Variants in COG3 observed in about 807,000 individuals in gnomAD.
The protein encoded by COG3 is component of oligomeric golgi complex 3.
In COG3, 32 loss-of-function variants were observed where a neutral mutation model predicts 114.1. The observed-to-expected ratio is 0.28, with a 90% CI of 0.21 to 0.38. COG3 has a LOEUF of 0.38. Ranked by LOEUF, COG3 falls within the 10% of genes least tolerant of loss-of-function variation. COG3 has a pLI of 1.00. For synonymous variants in COG3, 352 were observed against 365.7 expected, an observed-to-expected ratio of 0.96 and a Z score of 0.43; for missense variants, 813 against 973.2, an observed-to-expected ratio of 0.84 and a Z score of 2.19.
In COG3 at chr13:45,502,793, C is replaced by T. The variant is rs577660868; in HGVS notation, c.1489-451C>T. Among the ~76,000 whole-genome samples the T allele has an allele frequency of 1.2e-4, 18 of 152,164 alleles. No homozygotes were observed. In the South Asian group the frequency reaches 1.5e-3, roughly 12 times the overall value. ...CTTACCTGCCTCCCAGTCTTTGCCCCGGAATTCCCAAAGTCCATTGTCTCA... is the reference window on the plus strand; with the variant it reads ...CTTACCTGCCTCCCAGTCTTTGCCCTGGAATTCCCAAAGTCCATTGTCTCA... On this transcript the variant is annotated intron_variant, in intron 13 of 22. Coordinates refer to ENST00000349995, the MANE Select transcript of COG3 (RefSeq NM_031431.4).
At chr13:45,532,669 A>T (rs887105882) in intron 22 of COG3, among the ~76,000 whole-genome samples, 1 of 141,066 alleles carries the variant, frequency 7.1e-6, no homozygotes, top group Non-Finnish European at 1.5e-5. Flanking sequence ...TCCCGGGTTC[A>T]TGCCATTCTC....
chr13:45,525,661 G>T (rs1872607405), intron 20 of COG3, among the ~76,000 whole-genome samples: 3 of 22,852 alleles, frequency 1.3e-4, no homozygotes, highest in South Asian at 3.2e-3. Flanking sequence ...TTGGTCTTTA[G>T]CGTTAGACAT....
chr13:45,518,771 T>G lies in COG3; in HGVS notation c.1940T>G (p.Phe647Cys). The G allele has an allele frequency of 6.2e-7, 1 of 1,611,984 alleles. No individual in the cohort carries two copies. Among genetic ancestry groups the G allele is most frequent in the Non-Finnish European group, 8.5e-7 (1 of 1,179,240 alleles). The change falls in exon 18 of 23, where the codon TTT becomes TGT. Residue 647 changes from phenylalanine to cysteine, a missense_variant. This residue lies in a region of COG3 where 389 missense variants were observed against 542.6 expected (regional missense o/e 0.72). Coordinates refer to ENST00000349995, the MANE Select transcript of COG3 (RefSeq NM_031431.4). ...TAATTTTGTTTCACAGATGCAGCAT[T>G]TAAAATCCTGAACCCTATGACTGTC... Reference protein sequence around the residue: ...LDLKKTRDAAFKILNPMTVPR... With the variant: ...LDLKKTRDAACKILNPMTVPR...
chr13:45,508,298 A>G (rs954744422), intron 14 of COG3, among the ~76,000 whole-genome samples: 4 of 149,572 alleles, frequency 2.7e-5, no homozygotes, highest in Non-Finnish European at 5.9e-5. Flanking sequence ...TTCCAAATAT[A>G]CAGAAAAGTT....
At chr13:45,533,147 C>T (rs1279633277) in intron 22 of COG3, among the ~76,000 whole-genome samples, 3 of 151,620 alleles carry the variant, frequency 2.0e-5, no homozygotes, top group East Asian at 1.9e-4. Flanking sequence ...AGGTCATCAC[C>T]GAGAGGGAGG....
chr13:45,518,934 G>A, intron 18 of COG3, 26 bp from the exon 19 acceptor site: 1 of 1,613,786 alleles, frequency 6.2e-7, no homozygotes, highest in Non-Finnish European at 8.5e-7. Flanking sequence ...ATAAAAACAG[G>A]AGGAAATTGT....
intron 20 of COG3, among the ~76,000 whole-genome samples, chr13:45,528,478 A>G (rs1394665466): frequency 6.6e-6 from 1 of 152,150 alleles, no homozygotes; most frequent in Non-Finnish European, 1.5e-5. Context: ...ACCCTCCTCA[A>G]TTAAAACATT....
chr13:45,515,979 T>C (rs1388183860), intron 16 of COG3, among the ~76,000 whole-genome samples, 164 bp from the exon 17 acceptor site: 2 of 152,204 alleles, frequency 1.3e-5, no homozygotes, highest in East Asian at 3.9e-4. Context: ...GCAAGATTTT[T>C]TAACTTAATT....
chr13:45,535,664 C>G lies in COG3; in HGVS notation c.*933C>G, dbSNP rs994146622. On this transcript the variant is annotated 3_prime_UTR_variant, in exon 23 of 23. Coordinates refer to ENST00000349995, the MANE Select transcript of COG3 (RefSeq NM_031431.4). Reference sequence around the variant, plus strand: ...CTGTCTATTCATTCAGCTGGCTGTGCTGTGCTGTGGACCAGCTGTGTGGAT... The same window carrying G: ...CTGTCTATTCATTCAGCTGGCTGTGGTGTGCTGTGGACCAGCTGTGTGGAT... The G allele has an allele frequency of 9.1e-6, 9 of 985,532 alleles. No homozygotes were observed. The highest frequency in any genetic ancestry group is 1.1e-5 in the Non-Finnish European group (9 of 830,080). 61.0% of individuals were successfully genotyped at this position (985,532 alleles called of 1,614,324 possible). A position where few individuals can be genotyped will look rare whatever the true frequency, so the allele number is the denominator to read the frequency against.
At chr13:45,518,661 T>C (rs1871794336) in intron 17 of COG3, 101 bp from the exon 18 acceptor site, 4 of 810,920 alleles carry the variant, frequency 4.9e-6, no homozygotes, top group Admixed American at 4.6e-5. Flanking sequence ...TGAAGGTGAA[T>C]TGGCTTTTTG....
chr13:45,479,533 G>A (rs1212323093), intron 3 of COG3, among the ~76,000 whole-genome samples: 1 of 152,166 alleles, frequency 6.6e-6, no homozygotes, highest in Non-Finnish European at 1.5e-5. Context: ...GTATTGATTT[G>A]TTGATGGCTA....
rs1179135909 is a variant in COG3 at position 45,534,967 on chromosome 13, G to A, written c.*236G>A. 1.4e-5 allele frequency: 17 copies of A among 1,232,742 alleles called. No individual in the cohort carries two copies. The highest frequency in any genetic ancestry group is 3.7e-5 in the South Asian group (1 of 26,930). 76.4% of individuals were successfully genotyped at this position (1,232,742 alleles called of 1,614,324 possible). ...ATCTGTGATTGGTGATAACTGCCTC[G>A]TTTAAATGGTCACAAGAAATGTGAA... On this transcript the variant is annotated 3_prime_UTR_variant, in exon 23 of 23. Coordinates refer to ENST00000349995, the MANE Select transcript of COG3 (RefSeq NM_031431.4).
Position 45,492,263 on chromosome 13 carries a change from G to A in COG3, c.1187+13G>A. 6.8e-7 allele frequency: 1 copy of A among 1,470,694 alleles called. No homozygotes were observed. The highest frequency in any genetic ancestry group is 9.5e-7 in the Non-Finnish European group (1 of 1,055,110). 91.1% of individuals were successfully genotyped at this position (1,470,694 alleles called of 1,614,324 possible). A position where few individuals can be genotyped will look rare whatever the true frequency, so the allele number is the denominator to read the frequency against. ...CATCAAAATTAGAGTAGGTGGACAT[G>A]GAATCTAACTCTTGTTCATAAAATT... is the stretch of plus-strand genomic sequence containing the variant. On this transcript the variant is annotated intron_variant, in intron 11 of 22. Coordinates refer to ENST00000349995, the MANE Select transcript of COG3 (RefSeq NM_031431.4).
chr13:45,489,436 T>C (rs1424177203), intron 8 of COG3, among the ~76,000 whole-genome samples: 1 of 152,036 alleles, frequency 6.6e-6, no homozygotes, highest in Non-Finnish European at 1.5e-5. Flanking sequence ...GCCTGATTGA[T>C]TGCTTTTGCT....
chr13:45,490,407 T>G (rs1417589333), intron 8 of COG3, among the ~76,000 whole-genome samples: 1 of 152,164 alleles, frequency 6.6e-6, no homozygotes, highest in East Asian at 1.9e-4. Context: ...GAGCGGGTGC[T>G]GGAACCCTCT....
chr13:45,524,262 C>T (rs191819786), intron 19 of COG3, among the ~76,000 whole-genome samples: 2 of 152,288 alleles, frequency 1.3e-5, no homozygotes, highest in Non-Finnish European at 2.9e-5. Context: ...TTTTAAAACA[C>T]GTTTTATGCA....
intron 16 of COG3, among the ~76,000 whole-genome samples, chr13:45,515,794 C>G (rs1871478045): frequency 6.6e-6 from 1 of 152,200 alleles, no homozygotes; most frequent in South Asian, 2.1e-4. Context: ...GTTATTTGAG[C>G]CTTTCTTTAC....
intron 3 of COG3, 119 bp from the exon 4 acceptor site, chr13:45,480,006 A>G: frequency 1.4e-6 from 1 of 733,138 alleles, no homozygotes; most frequent in South Asian, 2.2e-5. Context: ...ACTTATGTGC[A>G]TAGGCAGTTT....
intron 14 of COG3, among the ~76,000 whole-genome samples, chr13:45,508,632 C>T (rs1377471479): frequency 1.3e-5 from 2 of 152,106 alleles, no homozygotes; most frequent in South Asian, 2.1e-4. Flanking sequence ...TGCTAATGTC[C>T]TCTAATGCCT....
Sources: allele counts gnomAD v4.1 joint callset (sites outside exome capture counted in the v4.1 genomes callset), GRCh38; gene constraint gnomAD v4.1.1; regional missense constraint gnomAD v4.1.1; transcripts MANE v1.5; gene names NCBI Gene and HGNC (gene_info 2026-07-23, HGNC 2026-07-21).